ATF6: variants seen among roughly 807,000 people sequenced by gnomAD.
ATF6 encodes the protein activating transcription factor 6.
In ATF6, 53 loss-of-function variants were observed where a neutral mutation model predicts 83.6. The ratio of observed to expected loss-of-function variants is 0.63; its 90% CI spans 0.51 to 0.80. The LOEUF (loss-of-function observed/expected upper bound fraction) is 0.80. Among genes scored for constraint, ATF6 ranks in the 30% least tolerant of loss-of-function variants. The pLI, the probability that ATF6 is intolerant of heterozygous loss-of-function variation, is 0.00. For synonymous variants in ATF6, 288 were observed against 285.8 expected (o/e 1.01, Z -0.08); for missense variants, 744 against 797.9 (o/e 0.93, Z 0.81).
rs974048704 is a variant in ATF6 at position 161,963,089 on chromosome 1, A to G, written c.*4435A>G. 18 of 152,222 alleles carry G rather than the reference A, an allele frequency of 1.2e-4. No homozygotes were observed. The highest frequency in any genetic ancestry group is 4.3e-4 in the African/African-American group (18 of 41,454). The allele number at this position is 152,222 out of a possible 1,614,324, so 9.4% of individuals were successfully genotyped here. Reference sequence around the variant, plus strand: ...GGATTGATTTTTAATTTCCTAGGAAACAATACTAGACTACCCAAAAAGATG... The same window carrying G: ...GGATTGATTTTTAATTTCCTAGGAAGCAATACTAGACTACCCAAAAAGATG... On this transcript the variant is annotated 3_prime_UTR_variant, in exon 16 of 16. Transcript: ENST00000367942.
intron 9 of ATF6, among the ~76,000 whole-genome samples, chr1:161,822,479 A>G (rs1685789924): frequency 1.3e-5 from 2 of 152,194 alleles, no homozygotes; most frequent in Non-Finnish European, 2.9e-5. Context: ...AGGGGTAGGC[A>G]TGAAGTCTGT....
intron 9 of ATF6, among the ~76,000 whole-genome samples, chr1:161,832,979 G>A (rs866165794): frequency 2.0e-5 from 3 of 152,178 alleles, no homozygotes; most frequent in Non-Finnish European, 2.9e-5. Flanking sequence ...CCTAACCCCC[G>A]AGCAGCCTAA....
At chr1:161,943,484 A>T (rs997217733) in intron 15 of ATF6, among the ~76,000 whole-genome samples, 2 of 152,174 alleles carry the variant, frequency 1.3e-5, no homozygotes, top group African/African-American at 4.8e-5. Context: ...GTGAGAACGG[A>T]CTAATACAAC....
At chr1:161,882,553 A>G (rs899587838) in intron 14 of ATF6, among the ~76,000 whole-genome samples, 2 of 152,094 alleles carry the variant, frequency 1.3e-5, no homozygotes, top group Admixed American at 6.6e-5. Flanking sequence ...TACTCTATGC[A>G]TTGGCTTAGA....
intron 14 of ATF6, among the ~76,000 whole-genome samples, chr1:161,868,683 A>G (rs1366418126): frequency 6.6e-6 from 1 of 152,030 alleles, no homozygotes; most frequent in Non-Finnish European, 1.5e-5. Context: ...TTTTGCTTAA[A>G]GAAATTGGAA....
chr1:161,937,277 G>C (rs1688553764), intron 15 of ATF6, among the ~76,000 whole-genome samples: 1 of 148,120 alleles, frequency 6.8e-6, no homozygotes, highest in Admixed American at 6.8e-5. Flanking sequence ...CCAGGCAGCG[G>C]AGGTTGCAGT....
chr1:161,851,464 T>C (rs949846176), intron 10 of ATF6, among the ~76,000 whole-genome samples: 2 of 152,220 alleles, frequency 1.3e-5, no homozygotes, highest in African/African-American at 4.8e-5. Flanking sequence ...CCATGTGTTA[T>C]TGTATCGCTT....
At position 161,807,863 on chromosome 1, in the gene ATF6, A is replaced by ATTTTTTTTTTTTTT. The variant is rs1557971141; in HGVS notation, c.909+5592_909+5593insTTTTTTTTTTTTTT. Reference sequence around the variant, plus strand: ...TACTTTTTGTACTTTTTAGTTTGTCATCTTTTTTTTTTTTTTTTTTTTTTT... The same window carrying ATTTTTTTTTTTTTT: ...TACTTTTTGTACTTTTTAGTTTGTCATTTTTTTTTTTTTTTCTTTTTTTTTTTTTTTTTTTTTTT... On this transcript the variant is annotated intron_variant, in intron 7 of 15. Coordinates refer to ENST00000367942, the MANE Select transcript of ATF6 (RefSeq NM_007348.4). Among the ~76,000 whole-genome samples the ATTTTTTTTTTTTTT allele has an allele frequency of 5.5e-5, 3 of 54,794 alleles. 1 individual carries two copies. Among genetic ancestry groups the ATTTTTTTTTTTTTT allele is most frequent in the African/African-American group, 2.5e-4 (3 of 12,236 alleles). 35.9% of individuals were successfully genotyped at this position (54,794 alleles called of 152,430 possible).
At chr1:161,821,527 A>G (rs544016368) in intron 9 of ATF6, among the ~76,000 whole-genome samples, 1 of 152,352 alleles carries the variant, frequency 6.6e-6, no homozygotes, top group East Asian at 1.9e-4. Flanking sequence ...TTGAACTGTA[A>G]TATCAGTTTG....
chr1:161,856,642 A>G (rs762676109), intron 12 of ATF6, among the ~76,000 whole-genome samples: 1 of 152,178 alleles, frequency 6.6e-6, no homozygotes, highest in Non-Finnish European at 1.5e-5. Context: ...TCAGGAATAG[A>G]TCATTGCCAG....
chr1:161,845,775 CAAAAA>C (rs66887008), intron 9 of ATF6, among the ~76,000 whole-genome samples: 1 of 74,550 alleles, frequency 1.3e-5, no homozygotes. Context: ...GACCCTGTCT[CAAAAA>C]AAAAAAAAAA....
At chr1:161,826,207 G>A (rs901174113) in intron 9 of ATF6, among the ~76,000 whole-genome samples, 5 of 152,190 alleles carry the variant, frequency 3.3e-5, no homozygotes, top group African/African-American at 1.2e-4. Flanking sequence ...GGAAGTGACA[G>A]TGGGGTTAGG....
intron 14 of ATF6, among the ~76,000 whole-genome samples, chr1:161,896,421 GT>G (rs1687678385): frequency 6.6e-6 from 1 of 152,148 alleles, no homozygotes; most frequent in Non-Finnish European, 1.5e-5. Flanking sequence ...TTATACATTT[GT>G]ATATATTTTT....
intron 11 of ATF6, among the ~76,000 whole-genome samples, chr1:161,852,401 C>T (rs1003586409): frequency 3.3e-5 from 5 of 152,130 alleles, no homozygotes; most frequent in East Asian, 1.9e-4. Context: ...GCTTTTATTT[C>T]GTGTGTTGAA....
At chr1:161,857,742 G>A (rs368242277) in intron 12 of ATF6, among the ~76,000 whole-genome samples, 2 of 151,904 alleles carry the variant, frequency 1.3e-5, no homozygotes, top group East Asian at 3.9e-4. Context: ...TCTTTTTAAA[G>A]CAATAATAAT....
At chr1:161,861,707 G>A (rs1030867986) in intron 13 of ATF6, among the ~76,000 whole-genome samples, 1 of 152,172 alleles carries the variant, frequency 6.6e-6, no homozygotes, top group Non-Finnish European at 1.5e-5. Context: ...GTCATCATTT[G>A]CAAACATGCG....
intron 15 of ATF6, among the ~76,000 whole-genome samples, chr1:161,953,445 A>G (rs967517900): frequency 6.6e-6 from 1 of 152,158 alleles, no homozygotes; most frequent in Non-Finnish European, 1.5e-5. Context: ...TGACATCATT[A>G]TAGATCATCT....
In ATF6 at chr1:161,828,919, C is replaced by T. The variant is rs113505621; in HGVS notation, c.1187+7758C>T. On this transcript the variant is annotated intron_variant, in intron 9 of 15. Transcript: ENST00000367942. ...TCATATGCAGAGACACACACAGGCT[C>T]AAAATAAAGGGATGGAGGAAGATCT... Among the ~76,000 whole-genome samples the T allele has an allele frequency of 9.9e-3, 1,505 of 151,928 alleles. 8 individuals carry two copies. The highest frequency in any genetic ancestry group is 0.017 in the South Asian group (84 of 4,810).
At chr1:161,771,282 A>G (rs1684383431) in intron 1 of ATF6, among the ~76,000 whole-genome samples, 1 of 151,814 alleles carries the variant, frequency 6.6e-6, no homozygotes, top group African/African-American at 2.4e-5. Flanking sequence ...AGATATGTGT[A>G]TCAAGATCAG....
Sources: gnomAD v4.1 joint callset for allele counts (sites outside exome capture counted in the v4.1 genomes callset) on GRCh38, gnomAD v4.1.1 for gene constraint, MANE v1.5 for transcripts, NCBI Gene and HGNC (gene_info 2026-07-23, HGNC 2026-07-21) for gene names.